Variants in MUC7 observed in about 807,000 individuals in gnomAD.
The protein encoded by MUC7 is mucin 7, secreted.
In MUC7, 2 loss-of-function variants were observed where a neutral mutation model predicts 2.5. That is an observed-to-expected ratio of 0.81 (90% confidence interval 0.33 to 2.55). The LOEUF (loss-of-function observed/expected upper bound fraction) is 2.55, where lower values mean the gene tolerates loss of function less well. Among genes scored for constraint, MUC7 ranks in the 30% most tolerant of loss-of-function variants. MUC7 has a pLI of 0.11. For missense variants in MUC7, 408 were observed against 455.6 expected (o/e 0.90, Z 0.95); for synonymous variants, 133 against 173.4 (o/e 0.77, Z 1.83).
intron 1 of MUC7, among the ~76,000 whole-genome samples, chr4:70,458,382 G>C (rs1734464068): frequency 6.6e-6 from 1 of 152,148 alleles, no homozygotes; most frequent in Non-Finnish European, 1.5e-5. Context: ...TATTGGTAAT[G>C]TTCTAGTAGT....
chr4:70,446,816 T>C (rs963469609), intron 1 of MUC7, among the ~76,000 whole-genome samples: 2 of 152,224 alleles, frequency 1.3e-5, no homozygotes, highest in African/African-American at 4.8e-5. Flanking sequence ...TAGAACAGAA[T>C]GTTGGTTTAG....
chr4:70,467,127 A>G (rs927771128), intron 1 of MUC7, among the ~76,000 whole-genome samples: 1 of 152,218 alleles, frequency 6.6e-6, no homozygotes. Flanking sequence ...GCACAACTAC[A>G]TGGAAACTGA....
upstream of MUC7, among the ~76,000 whole-genome samples, chr4:70,470,342 C>A (rs908001258): frequency 2.0e-5 from 3 of 152,096 alleles, no homozygotes; most frequent in African/African-American, 7.2e-5. Context: ...ACCACCATGG[C>A]ACATGTATAC....
chr4:70,450,148 C>T (rs1208793073), intron 1 of MUC7, among the ~76,000 whole-genome samples: 2 of 152,230 alleles, frequency 1.3e-5, no homozygotes, highest in East Asian at 3.8e-4. Context: ...TGCAGCAGTG[C>T]TGGCACTCAA....
At chr4:70,432,845 A>G (rs961128740) in intron 1 of MUC7, among the ~76,000 whole-genome samples, 2 of 152,042 alleles carry the variant, frequency 1.3e-5, no homozygotes, top group African/African-American at 2.4e-5. Context: ...TTTTCTTCTA[A>G]GGTTTTTATG....
At chr4:70,454,862 A>T (rs1169934423) in intron 1 of MUC7, among the ~76,000 whole-genome samples, 1 of 152,198 alleles carries the variant, frequency 6.6e-6, no homozygotes, top group African/African-American at 2.4e-5. Context: ...GGTTGTATAT[A>T]TTTGAAATTT....
upstream of MUC7, among the ~76,000 whole-genome samples, chr4:70,469,348 C>T (rs369881249): frequency 5.0e-4 from 76 of 152,276 alleles, 2 homozygotes; most frequent in South Asian, 0.016. Context: ...CAGGCATGGG[C>T]AATGGCTTCA....
At chr4:70,433,053 T>C (rs1733723640) in intron 1 of MUC7, among the ~76,000 whole-genome samples, 1 of 152,200 alleles carries the variant, frequency 6.6e-6, no homozygotes, top group South Asian at 2.1e-4. Context: ...TCTATGGTAT[T>C]ATTTCTGAAG....
chr4:70,451,313 C>T (rs1026722810), intron 1 of MUC7, among the ~76,000 whole-genome samples: 5 of 152,226 alleles, frequency 3.3e-5, no homozygotes, highest in African/African-American at 1.2e-4. Context: ...ATGGTGACTG[C>T]CAGGGCTAGG....
At chr4:70,463,818 T>C (rs1162103055) in intron 1 of MUC7, among the ~76,000 whole-genome samples, 1 of 152,236 alleles carries the variant, frequency 6.6e-6, no homozygotes, top group Non-Finnish European at 1.5e-5. Flanking sequence ...TGAATTAGAC[T>C]GTGTCCTCGC....
chr4:70,436,494 C>G (rs1733837889), intron 1 of MUC7, among the ~76,000 whole-genome samples: 1 of 152,100 alleles, frequency 6.6e-6, no homozygotes, highest in African/African-American at 2.4e-5. Flanking sequence ...ATAAAATCGG[C>G]TATTGAAGCT....
upstream of MUC7, among the ~76,000 whole-genome samples, chr4:70,467,878 G>GA (rs1395174414): frequency 6.6e-6 from 1 of 151,392 alleles, no homozygotes; most frequent in Non-Finnish European, 1.5e-5. Flanking sequence ...CCAAACAATA[G>GA]AAAAAAAGGG....
intron 1 of MUC7, among the ~76,000 whole-genome samples, chr4:70,437,662 C>G (rs1043869010): frequency 6.6e-6 from 1 of 152,150 alleles, no homozygotes; most frequent in Non-Finnish European, 1.5e-5. Context: ...GGAAATTCCC[C>G]GACTCCTTGC....
chr4:70,441,925 T>G (rs949108817), intron 1 of MUC7, among the ~76,000 whole-genome samples: 1 of 152,212 alleles, frequency 6.6e-6, no homozygotes, highest in Non-Finnish European at 1.5e-5. Context: ...AAAGAAAATA[T>G]ACTGTCTTAA....
intron 2 of MUC7, 23 bp downstream of exon 2, chr4:70,474,098 T>G (rs755837238): frequency 1.2e-6 from 2 of 1,606,576 alleles, no homozygotes; most frequent in Non-Finnish European, 1.7e-6. Context: ...CCAAATAAGT[T>G]TTTTCCTTAA....
In MUC7 at chr4:70,481,753, G is replaced by T; in HGVS notation, c.1009G>T (p.Val337Phe). The change falls in exon 3 of 3, where the codon GTC (valine) becomes TTC (phenylalanine). Residue 337 changes from valine to phenylalanine, a missense_variant. Around this residue, in one of 3 missense-constraint regions of MUC7, gnomAD observed 175 missense variants for 187.1 expected, o/e 0.94. Transcript: ENST00000304887. ...AAPTHQTTTS[V>F]TTQTTTTKQP... ...ACCCACACACCAGACTACTACTTCG[G>T]TCACTACTCAAACTACTACTACTAA... 1 of 1,614,154 alleles carries T rather than the reference G, an allele frequency of 6.2e-7. No individual in the cohort carries two copies. Among genetic ancestry groups the T allele is most frequent in the Middle Eastern group, 1.6e-4 (1 of 6,062 alleles).
At chr4:70,456,195 G>A (rs978022179) in intron 1 of MUC7, among the ~76,000 whole-genome samples, 2 of 152,004 alleles carry the variant, frequency 1.3e-5, no homozygotes, top group Non-Finnish European at 2.9e-5. Flanking sequence ...GCAATGCCCC[G>A]CTCCTTGGTA....
intron 1 of MUC7, among the ~76,000 whole-genome samples, chr4:70,444,302 T>G (rs967337883): frequency 3.3e-5 from 5 of 152,180 alleles, no homozygotes; most frequent in African/African-American, 1.2e-4. Flanking sequence ...TGCTTCTATA[T>G]CCATCCCCAT....
At chr4:70,475,528 C>T (rs13133486) in intron 2 of MUC7, among the ~76,000 whole-genome samples, 39,664 of 151,838 alleles carry the variant, frequency 0.26, 5,433 homozygotes, top group South Asian at 0.39. Context: ...GGAGGACCCA[C>T]AAGAGGGGAC....
Sources: allele counts gnomAD v4.1 joint callset (sites outside exome capture counted in the v4.1 genomes callset), GRCh38; gene constraint gnomAD v4.1.1; regional missense constraint gnomAD v4.1.1; transcripts MANE v1.5; gene names NCBI Gene and HGNC (gene_info 2026-07-23, HGNC 2026-07-21).